Variants in GFRA1 observed in about 807,000 individuals in gnomAD.
GFRA1 encodes GDNF family receptor alpha-1.
GFRA1 carries 16 observed loss-of-function variants against 51.6 expected under a neutral mutation model. The ratio of observed to expected loss-of-function variants is 0.31; its 90% CI spans 0.21 to 0.47. GFRA1 has a LOEUF of 0.47. Among genes scored for constraint, GFRA1 ranks in the 20% least tolerant of loss-of-function variants. The probability of loss-of-function intolerance (pLI) is 1.00; values close to 1 mark genes in which losing one functional copy is unlikely to be tolerated. For synonymous variants in GFRA1, 270 were observed against 241.3 expected (o/e 1.12, Z -1.10); for missense variants, 530 against 594.3 (o/e 0.89, Z 1.13).
At chr10:116,191,952 G>A (rs140544645) in intron 5 of GFRA1, among the ~76,000 whole-genome samples, 3,204 of 152,218 alleles carry the variant, frequency 0.021, 55 homozygotes, top group Admixed American at 0.032. Flanking sequence ...GCTTGAACCC[G>A]GGAGGCAGAG....
chr10:116,145,782 G>C (rs1438150692), intron 5 of GFRA1, among the ~76,000 whole-genome samples: 2 of 152,088 alleles, frequency 1.3e-5, no homozygotes, highest in African/African-American at 2.4e-5. Flanking sequence ...CTTCAAATTA[G>C]TCGCTATTAT....
intron 5 of GFRA1, among the ~76,000 whole-genome samples, chr10:116,182,344 A>G (rs922449216): frequency 1.3e-5 from 2 of 152,222 alleles, no homozygotes; most frequent in Admixed American, 6.5e-5. Flanking sequence ...GAAAACATGT[A>G]TTGCATATTT....
At chr10:116,235,935 A>G (rs919939516) in intron 4 of GFRA1, among the ~76,000 whole-genome samples, 1 of 152,128 alleles carries the variant, frequency 6.6e-6, no homozygotes, top group Admixed American at 6.5e-5. Flanking sequence ...CTCCAAAACT[A>G]TGAGAAATAA....
In GFRA1 at chr10:116,059,474, G is replaced by T. The variant is rs974399314; in HGVS notation, c.*4924C>A. 1 of 152,294 alleles carries T rather than the reference G, an allele frequency of 6.6e-6. No homozygotes were observed. Among genetic ancestry groups the T allele is most frequent in the African/African-American group, 2.4e-5 (1 of 41,476 alleles). 9.4% of individuals were successfully genotyped at this position (152,294 alleles called of 1,614,324 possible). ...CCCCATGGCAGTGGGACAAGATGCT[G>T]ATATTGGCACCTGCCAGAGGCAGAC... On this transcript the variant is annotated 3_prime_UTR_variant, in exon 11 of 11. Transcript: ENST00000355422.
At chr10:116,270,733 TG>T in intron 3 of GFRA1, 88 bp downstream of exon 3, 2 of 1,060,036 alleles carry the variant, frequency 1.9e-6, no homozygotes, top group Non-Finnish European at 2.8e-6. Context: ...GAGAAGTGAG[TG>T]GAGGATGAGA....
rs55780139 is a variant in GFRA1 at position 116,205,926 on chromosome 10, TCACACACACA to T, written c.433+5695_433+5704del. On this transcript the variant is annotated intron_variant, in intron 5 of 10. Transcript: ENST00000355422. Reference sequence around the variant, plus strand: ...AAATCTGGTTATCATTTTCCTCATATCACACACACACACACACACACACACACACACACAC... The same window carrying T: ...AAATCTGGTTATCATTTTCCTCATATCACACACACACACACACACACACAC... Among the ~76,000 whole-genome samples the T allele has an allele frequency of 4.4e-3, 629 of 142,550 alleles. 2 individuals are homozygous for T. Among genetic ancestry groups the T allele is most frequent in the African/African-American group, 9.8e-3 (379 of 38,836 alleles). The allele number at this position is 142,550 out of a possible 152,430, so 93.5% of individuals were successfully genotyped here.
chr10:116,161,693 C>T (rs1959816339), intron 5 of GFRA1, among the ~76,000 whole-genome samples: 1 of 152,214 alleles, frequency 6.6e-6, no homozygotes, highest in Admixed American at 6.5e-5. Context: ...CTCTTGCTTG[C>T]CGCCATGGAA....
intron 5 of GFRA1, among the ~76,000 whole-genome samples, chr10:116,188,476 G>C (rs1202707698): frequency 6.6e-6 from 1 of 152,150 alleles, no homozygotes; most frequent in Non-Finnish European, 1.5e-5. Flanking sequence ...GAGAATGAGG[G>C]CTCTCTGTTC....
chr10:116,186,658 G>A (rs1044528761), intron 5 of GFRA1, among the ~76,000 whole-genome samples: 1 of 151,750 alleles, frequency 6.6e-6, no homozygotes, highest in African/African-American at 2.4e-5. Context: ...CATGGGGGGC[G>A]GCGGGAGGTG....
At chr10:116,204,736 A>G (rs1964596321) in intron 5 of GFRA1, among the ~76,000 whole-genome samples, 1 of 152,240 alleles carries the variant, frequency 6.6e-6, no homozygotes, top group African/African-American at 2.4e-5. Flanking sequence ...AGCATAACAT[A>G]AATACCTATG....
At chr10:116,269,465 A>G in intron 4 of GFRA1, 38 bp downstream of exon 4, 7 of 1,142,516 alleles carry the variant, frequency 6.1e-6, no homozygotes, top group Non-Finnish European at 9.3e-6. Context: ...GAATTCAAGC[A>G]CACAAAGGCA....
chr10:116,272,400 C>G lies in GFRA1; in HGVS notation c.-246-125G>C, dbSNP rs1041493428. ...CAACACCGGGGTGAGGACCCACCCC[C>G]ACCCAGGTCGGGGTGCATGTGCGTG... On this transcript the variant is annotated intron_variant, in intron 1 of 10. Transcript: ENST00000355422. The surrounding 1 kb of genome is among the most constrained non-coding windows in gnomAD (Gnocchi z 4.4). 2.6e-6 allele frequency: 1 copy of G among 378,360 alleles called. No individual in the cohort carries two copies. The highest frequency in any genetic ancestry group is 2.7e-5 in the South Asian group (1 of 36,724). The allele number at this position is 378,360 out of a possible 1,614,324, so 23.4% of individuals were successfully genotyped here.
At chr10:116,240,971 T>G (rs974810644) in intron 4 of GFRA1, among the ~76,000 whole-genome samples, 1 of 152,192 alleles carries the variant, frequency 6.6e-6, no homozygotes, top group African/African-American at 2.4e-5. Context: ...CAGCTAAGAC[T>G]TGCAGAGTTG....
At chr10:116,171,706 G>A (rs1961042253) in intron 5 of GFRA1, among the ~76,000 whole-genome samples, 1 of 152,220 alleles carries the variant, frequency 6.6e-6, no homozygotes, top group Non-Finnish European at 1.5e-5. Flanking sequence ...AGCCGCTGCT[G>A]AGACAGAAGC....
At chr10:116,188,887 G>A (rs1275292927) in intron 5 of GFRA1, among the ~76,000 whole-genome samples, 1 of 147,266 alleles carries the variant, frequency 6.8e-6, no homozygotes, top group African/African-American at 2.6e-5. Flanking sequence ...GTGACAGAGT[G>A]AGACTCTGTT....
chr10:116,255,027 T>C (rs1454221019), intron 4 of GFRA1, among the ~76,000 whole-genome samples: 3 of 152,162 alleles, frequency 2.0e-5, no homozygotes, highest in Admixed American at 6.5e-5. Flanking sequence ...TCACTTTCTC[T>C]ACAGACTGAC....
In GFRA1 at chr10:116,166,582, T is replaced by G. The variant is rs189762234; in HGVS notation, c.434-41025A>C. On this transcript the variant is annotated intron_variant, in intron 5 of 10. Transcript: ENST00000355422. Reference sequence around the variant, plus strand: ...CTTCCCCCGGCCGTGCAGCCTCTACTATGTGACCCTGACCCTCGGTCTTAC... The same window carrying G: ...CTTCCCCCGGCCGTGCAGCCTCTACGATGTGACCCTGACCCTCGGTCTTAC... Among the ~76,000 whole-genome samples the G allele has an allele frequency of 2.6e-3, 399 of 152,088 alleles. 2 individuals are homozygous for G. Among genetic ancestry groups the G allele is most frequent in the Non-Finnish European group, 4.6e-3 (313 of 68,000 alleles).
chr10:116,273,954 C>T (rs1331249433), upstream of GFRA1, among the ~76,000 whole-genome samples: 1 of 152,190 alleles, frequency 6.6e-6, no homozygotes, highest in Non-Finnish European at 1.5e-5. Context: ...CAGTCTCTAC[C>T]TCTCTCCTGG....
At chr10:116,225,456 A>T (rs1387338098) in intron 4 of GFRA1, among the ~76,000 whole-genome samples, 1 of 142,050 alleles carries the variant, frequency 7.0e-6, no homozygotes, top group East Asian at 2.2e-4. Context: ...AACTGCTTGA[A>T]CCTGGGAGGG....
Sources: allele counts gnomAD v4.1 joint callset (sites outside exome capture counted in the v4.1 genomes callset), GRCh38; gene constraint gnomAD v4.1.1; non-coding constraint Gnocchi (gnomAD v3.1); transcripts MANE v1.5; gene names NCBI Gene and HGNC (gene_info 2026-07-23, HGNC 2026-07-21).